Variants in PLPP1 observed in about 807,000 individuals in gnomAD.
PLPP1 encodes lipid phosphate phosphohydrolase 1a.
A neutral mutation model predicts 31.2 loss-of-function variants in PLPP1; 24 were observed. The observed-to-expected ratio is 0.77, with a 90% CI of 0.56 to 1.08. The LOEUF is 1.08. Among genes scored for constraint, PLPP1 ranks in the 50% least tolerant of loss-of-function variants. PLPP1 has a pLI of 0.00. For missense variants in PLPP1, 319 were observed against 342.7 expected (o/e 0.93, Z 0.55); for synonymous variants, 146 against 126.3 (o/e 1.16, Z -1.05).
At chr5:55,451,009 C>A (rs544429826) in intron 3 of PLPP1, among the ~76,000 whole-genome samples, 3 of 152,200 alleles carry the variant, frequency 2.0e-5, no homozygotes, top group Non-Finnish European at 4.4e-5. Context: ...CTACTCTAAG[C>A]CCTCACTCCA....
At chr5:55,502,075 T>G (rs547703498) in intron 1 of PLPP1, among the ~76,000 whole-genome samples, 1 of 152,354 alleles carries the variant, frequency 6.6e-6, no homozygotes, top group African/African-American at 2.4e-5. Flanking sequence ...TTTTTTACTT[T>G]CAAATATCAA....
chr5:55,473,768 C>T (rs1752472439), intron 2 of PLPP1, among the ~76,000 whole-genome samples: 1 of 152,088 alleles, frequency 6.6e-6, no homozygotes, highest in South Asian at 2.1e-4. Context: ...AAGGATCCTC[C>T]TGCTTCAGCC....
chr5:55,482,203 GACACAC>G (rs112327602), intron 1 of PLPP1, among the ~76,000 whole-genome samples: 6 of 144,508 alleles, frequency 4.2e-5, no homozygotes, highest in East Asian at 2.0e-4. Flanking sequence ...TACACACACA[GACACAC>G]ACACACACAC....
intron 3 of PLPP1, among the ~76,000 whole-genome samples, chr5:55,457,845 C>T (rs1045762715): frequency 7.3e-5 from 11 of 150,646 alleles, no homozygotes; most frequent in Admixed American, 6.6e-5. Flanking sequence ...GCCAAGATCA[C>T]GCCACTGCAC....
intron 3 of PLPP1, among the ~76,000 whole-genome samples, chr5:55,444,919 G>A (rs549451310): frequency 6.6e-6 from 1 of 151,950 alleles, no homozygotes; most frequent in East Asian, 2.0e-4. Context: ...CCAGCTAATT[G>A]TTGTATTTTT....
intron 1 of PLPP1, chr5:55,491,042 T>C (rs143245932): frequency 1.2e-6 from 2 of 1,613,596 alleles, no homozygotes; most frequent in Non-Finnish European, 1.7e-6. Context: ...GTTGATGCTG[T>C]TGTCTTTACA....
chr5:55,472,499 C>CTGAG (rs1226465176), intron 2 of PLPP1, among the ~76,000 whole-genome samples: 1 of 152,032 alleles, frequency 6.6e-6, no homozygotes, highest in Non-Finnish European at 1.5e-5. Context: ...ATGTGGGAGG[C>CTGAG]TGAGGCAAGA....
In PLPP1 at chr5:55,468,098, A is replaced by T; in HGVS notation, c.262T>A (p.Ser88Thr). 6.2e-7 allele frequency: 1 copy of T among 1,613,108 alleles called. No individual in the cohort carries two copies. Among genetic ancestry groups the T allele is most frequent in the Non-Finnish European group, 8.5e-7 (1 of 1,179,412 alleles). ...SVYCNLLHSNSFIRNNYIATI... is the reference protein window; with the variant it reads ...SVYCNLLHSNTFIRNNYIATI... ...GCTATGTAGTTATTCCTGATAAAGG[A>T]ATTTGAGTGCAAAAGGTTACAGTAA... The change falls in exon 3 of 6, where the codon TCC (serine) becomes ACC (threonine). Residue 88 changes from serine to threonine, a missense_variant. By Grantham distance (58) the Ser-to-Thr change is moderately conservative. Transcript: ENST00000307259.
intron 1 of PLPP1, among the ~76,000 whole-genome samples, chr5:55,517,729 C>A (rs1753582323): frequency 1.3e-5 from 2 of 152,240 alleles, no homozygotes; most frequent in Non-Finnish European, 2.9e-5. Context: ...TACGGGACAG[C>A]AAACTCTGGC....
rs35040837 is a variant in PLPP1, at chr5:55,505,447, C to CAA, written c.58+29123_58+29124dup. Among the ~76,000 whole-genome samples, 570 of 144,210 alleles carry CAA rather than the reference C, an allele frequency of 4.0e-3. 1 individual carries two copies. The highest frequency in any genetic ancestry group is 0.02 in the East Asian group (99 of 4,872). 94.6% of individuals were successfully genotyped at this position (144,210 alleles called of 152,430 possible). ...CCATCTCTACACATCTATACACACG[C>CAA]AAAAAAAAAAACAAATAGCAGAGGT... On this transcript the variant is annotated intron_variant, in intron 1 of 5. Transcript: ENST00000307259.
intron 1 of PLPP1, among the ~76,000 whole-genome samples, chr5:55,509,913 CCTTTT>C (rs1753368316): frequency 6.6e-6 from 1 of 152,126 alleles, no homozygotes; most frequent in African/African-American, 2.4e-5. Flanking sequence ...CTTTCTCTTC[CCTTTT>C]AAGATGGCAA....
chr5:55,519,057 G>A (rs1041800245), intron 1 of PLPP1, among the ~76,000 whole-genome samples: 1 of 151,982 alleles, frequency 6.6e-6, no homozygotes, highest in South Asian at 2.1e-4. Context: ...GGAAAGGGGG[G>A]AAATCCATAA....
chr5:55,444,774 G>GTGTGTGTGTGTGT (rs1452816182), intron 3 of PLPP1, among the ~76,000 whole-genome samples: 1 of 15,124 alleles, frequency 6.6e-5, no homozygotes, highest in Non-Finnish European at 2.4e-4. Context: ...TGTGTGTGAT[G>GTGTGTGTGTGTGT]GAGTCTCGCT....
At chr5:55,511,830 AT>A (rs879881094) in intron 1 of PLPP1, among the ~76,000 whole-genome samples, 327 of 142,002 alleles carry the variant, frequency 2.3e-3, no homozygotes, top group Middle Eastern at 3.5e-3. Flanking sequence ...CGCCCAGCTA[AT>A]TTTTTTTTTT....
intron 1 of PLPP1, among the ~76,000 whole-genome samples, chr5:55,504,360 CAAA>C (rs34275567): frequency 3.1e-5 from 4 of 130,454 alleles, no homozygotes; most frequent in Admixed American, 7.7e-5. Context: ...GACTCTGTAT[CAAA>C]AAAAAAAAAA....
At chr5:55,525,398 C>A (rs1413742726) in intron 1 of PLPP1, among the ~76,000 whole-genome samples, 1 of 152,176 alleles carries the variant, frequency 6.6e-6, no homozygotes, top group African/African-American at 2.4e-5. Flanking sequence ...AAATTTGAAT[C>A]CACAGTCCAT....
At chr5:55,507,445 CAACT>C (rs981292935) in intron 1 of PLPP1, among the ~76,000 whole-genome samples, 11 of 152,022 alleles carry the variant, frequency 7.2e-5, no homozygotes, top group African/African-American at 2.7e-4. Context: ...AGTCAACAGC[CAACT>C]AAGAAGAAAT....
intron 4 of PLPP1, among the ~76,000 whole-genome samples, chr5:55,429,996 G>A (rs867227718): frequency 2.6e-5 from 4 of 152,098 alleles, no homozygotes; most frequent in African/African-American, 4.8e-5. Context: ...GCACACCATC[G>A]GGCGTTGGAG....
At position 55,530,482 on chromosome 5, in the gene PLPP1, T is replaced by C. The variant is rs545234539; in HGVS notation, c.58+4090A>G. ...TGGTAAGTTTCTGTGTTATCAGATG[T>C]GGATGTTTCACTCCTATTGCTGTTC... On this transcript the variant is annotated intron_variant, in intron 1 of 5. Transcript: ENST00000307259. 754 of 1,221,158 alleles carry C rather than the reference T, an allele frequency of 6.2e-4. 1 individual carries two copies. Among genetic ancestry groups the C allele is most frequent in the Non-Finnish European group, 8.5e-4 (695 of 821,860 alleles). The allele number at this position is 1,221,158 out of a possible 1,614,324, so 75.6% of individuals were successfully genotyped here.
Sources: gnomAD v4.1 joint callset for allele counts (sites outside exome capture counted in the v4.1 genomes callset) on GRCh38, gnomAD v4.1.1 for gene constraint, MANE v1.5 for transcripts, NCBI Gene and HGNC (gene_info 2026-07-23, HGNC 2026-07-21) for gene names.